ZNF251: variants seen among roughly 807,000 people sequenced by gnomAD.
ZNF251 encodes zinc finger protein 251.
ZNF251 carries 14 observed loss-of-function variants against 13.5 expected under a neutral mutation model. The observed-to-expected ratio is 1.04, with a 90% CI of 0.69 to 1.63. The LOEUF is 1.63. ZNF251 is among the 40% of genes most tolerant of loss of function. The pLI, the probability that ZNF251 is intolerant of heterozygous loss-of-function variation, is 0.00. For synonymous variants in ZNF251, 287 were observed against 295.2 expected (o/e 0.97, Z 0.28); for missense variants, 764 against 834.9 (o/e 0.92, Z 1.05).
intron 4 of ZNF251, among the ~76,000 whole-genome samples, chr8:144,742,121 G>C (rs565276198): frequency 3.3e-5 from 5 of 152,160 alleles, no homozygotes; most frequent in Non-Finnish European, 7.4e-5. Flanking sequence ...CACACCACGA[G>C]CCAGTGATCC....
intron 4 of ZNF251, among the ~76,000 whole-genome samples, chr8:144,727,601 C>G (rs1183839236): frequency 6.6e-6 from 1 of 152,174 alleles, no homozygotes; most frequent in Non-Finnish European, 1.5e-5. Flanking sequence ...CTTCCTTACC[C>G]CTCTCAGCTT....
At chr8:144,726,899 G>A (rs1319390084) in intron 4 of ZNF251, among the ~76,000 whole-genome samples, 5 of 151,876 alleles carry the variant, frequency 3.3e-5, no homozygotes, top group African/African-American at 1.2e-4. Flanking sequence ...AAGAAAAAAA[G>A]AAAACTTAGC....
At chr8:144,749,662 A>G (rs1279082466) in intron 4 of ZNF251, among the ~76,000 whole-genome samples, 1 of 151,892 alleles carries the variant, frequency 6.6e-6, no homozygotes, top group African/African-American at 2.4e-5. Context: ...TCCATTTTGT[A>G]TCCTTTTTTA....
At chr8:144,740,951 A>T (rs1824133588) in intron 4 of ZNF251, among the ~76,000 whole-genome samples, 1 of 150,416 alleles carries the variant, frequency 6.6e-6, no homozygotes, top group South Asian at 2.1e-4. Flanking sequence ...AAAAAAAAAG[A>T]AACAAAAAAA....
At chr8:144,729,335 ATT>A (rs142840972) in intron 4 of ZNF251, among the ~76,000 whole-genome samples, 1 of 141,246 alleles carries the variant, frequency 7.1e-6, no homozygotes, top group Non-Finnish European at 1.5e-5. Context: ...ATTTATTTTT[ATT>A]TTTTTTTTTT....
intron 1 of ZNF251, 186 bp downstream of exon 1, chr8:144,755,219 T>C: frequency 8.5e-7 from 1 of 1,171,188 alleles, no homozygotes; most frequent in East Asian, 7.1e-5. Flanking sequence ...CCAGCTGTGG[T>C]CCTCAGTCCA....
At chr8:144,730,208 A>G (rs1010837434) in intron 4 of ZNF251, 1 of 729,594 alleles carries the variant, frequency 1.4e-6, no homozygotes, top group African/African-American at 1.9e-5. Flanking sequence ...CGGGGCCCAG[A>G]GCGCCAATCC....
At chr8:144,732,897 G>A (rs1586687472) in intron 4 of ZNF251, among the ~76,000 whole-genome samples, 2 of 151,462 alleles carry the variant, frequency 1.3e-5, no homozygotes, top group East Asian at 3.9e-4. Context: ...CTTAATACTA[G>A]CAGCAGTAAT....
intron 4 of ZNF251, among the ~76,000 whole-genome samples, chr8:144,724,977 C>G (rs540943686): frequency 3.4e-4 from 51 of 152,092 alleles, no homozygotes; most frequent in African/African-American, 8.9e-4. Flanking sequence ...AGCACTCAAA[C>G]AATTATGTAT....
intron 4 of ZNF251, among the ~76,000 whole-genome samples, chr8:144,737,692 C>T (rs71520590): frequency 2.7e-5 from 4 of 147,566 alleles, no homozygotes; most frequent in Admixed American, 6.8e-5. Flanking sequence ...ATTAGCCAGG[C>T]GTGGTGGCAG....
At chr8:144,747,997 T>C (rs1295472428) in intron 4 of ZNF251, among the ~76,000 whole-genome samples, 2 of 152,162 alleles carry the variant, frequency 1.3e-5, no homozygotes, top group Admixed American at 1.3e-4. Context: ...GCAGCTTCAA[T>C]GTCCTGGGCT....
chr8:144,751,436 G>A (rs1824689400), intron 4 of ZNF251, among the ~76,000 whole-genome samples: 1 of 152,126 alleles, frequency 6.6e-6, no homozygotes, highest in Non-Finnish European at 1.5e-5. Context: ...TAACAAAAAG[G>A]ATGGGAGGGA....
intron 2 of ZNF251, 110 bp from the exon 3 acceptor site, chr8:144,754,431 T>TA: frequency 6.9e-7 from 1 of 1,453,224 alleles, no homozygotes; most frequent in Non-Finnish European, 9.1e-7. Context: ...CTGTGGTCAG[T>TA]ATGAACTGTG....
chr8:144,748,816 G>A lies in ZNF251; in HGVS notation c.277+4867C>T, dbSNP rs146969000. Among the ~76,000 whole-genome samples the A allele has an allele frequency of 5.2e-3, 789 of 152,248 alleles. 9 individuals are homozygous for A. Among genetic ancestry groups the A allele is most frequent in the African/African-American group, 0.018 (761 of 41,548 alleles). ...AGGCTCAAGGGATCCTCCCACCTCG[G>A]CCTCCCAAAGTGCTGGAATTACAGG... On this transcript the variant is annotated intron_variant, in intron 4 of 4. Coordinates refer to ENST00000292562, the MANE Select transcript of ZNF251 (RefSeq NM_138367.2).
chr8:144,741,567 A>G (rs1446258743), intron 4 of ZNF251, among the ~76,000 whole-genome samples: 1 of 152,256 alleles, frequency 6.6e-6, no homozygotes, highest in Non-Finnish European at 1.5e-5. Flanking sequence ...CTAACAGACA[A>G]GGATTTAAAA....
At chr8:144,729,218 G>T (rs1823614267) in intron 4 of ZNF251, among the ~76,000 whole-genome samples, 1 of 151,846 alleles carries the variant, frequency 6.6e-6, no homozygotes, top group African/African-American at 2.4e-5. Context: ...AAAGCTCCTG[G>T]TTATAAAAGT....
Position 144,752,135 on chromosome 8 carries a change from C to CAA in ZNF251, c.277+1546_277+1547dup, listed in dbSNP as rs745386892. Among the ~76,000 whole-genome samples, 417 of 86,150 alleles carry CAA rather than the reference C, an allele frequency of 4.8e-3. 1 individual carries two copies. The highest frequency in any genetic ancestry group is 0.012 in the African/African-American group (299 of 24,954). The allele number at this position is 86,150 out of a possible 152,430, so 56.5% of individuals were successfully genotyped here. ...TCAGCAACTGAAAGAATAACTAGAC[C>CAA]AAAAAAAAAAAAAAAAAAAAAATCA... On this transcript the variant is annotated intron_variant, in intron 4 of 4. Coordinates refer to ENST00000292562, the MANE Select transcript of ZNF251 (RefSeq NM_138367.2).
chr8:144,741,500 G>A (rs1380927140), intron 4 of ZNF251, among the ~76,000 whole-genome samples: 5 of 152,146 alleles, frequency 3.3e-5, no homozygotes, highest in Admixed American at 6.5e-5. Flanking sequence ...AATAGAGCAC[G>A]TTTTTGTGAG....
chr8:144,729,084 C>G (rs2953843), intron 4 of ZNF251, among the ~76,000 whole-genome samples: 107 of 95,196 alleles, frequency 1.1e-3, no homozygotes, highest in Admixed American at 4.9e-3. Context: ...AAGACTCCAT[C>G]TATGGAAAAA....
Sources: gnomAD v4.1 joint callset for allele counts (sites outside exome capture counted in the v4.1 genomes callset) on GRCh38, gnomAD v4.1.1 for gene constraint, MANE v1.5 for transcripts, NCBI Gene and HGNC (gene_info 2026-07-23, HGNC 2026-07-21) for gene names.